The following LZTS1 variants were observed in gnomAD, a reference collection of about 807,000 sequenced individuals.
LZTS1 encodes the protein leucine zipper tumor suppressor 1.
A neutral mutation model predicts 45.8 loss-of-function variants in LZTS1; 31 were observed. That is an observed-to-expected ratio of 0.68 (90% CI 0.51 to 0.91). LZTS1 has a LOEUF of 0.91. LZTS1 is among the 40% of genes least tolerant of loss of function. LZTS1 has a pLI of 0.00. For missense variants in LZTS1, 821 were observed against 788.9 expected (o/e 1.04, Z -0.49); for synonymous variants, 359 against 357.3 (o/e 1.00, Z -0.05).
chr8:20,294,406 C>T (rs1049089543), intron 1 of LZTS1, among the ~76,000 whole-genome samples: 1 of 152,190 alleles, frequency 6.6e-6, no homozygotes, highest in Admixed American at 6.5e-5. Flanking sequence ...GGGCCAGCTG[C>T]GGGCCTGGCA....
At chr8:20,301,500 A>G (rs1407024337) in intron 1 of LZTS1, among the ~76,000 whole-genome samples, 2 of 152,128 alleles carry the variant, frequency 1.3e-5, no homozygotes, top group Non-Finnish European at 1.5e-5. Flanking sequence ...TCATTACATT[A>G]TTCATCTTCC....
intron 1 of LZTS1, among the ~76,000 whole-genome samples, chr8:20,258,589 T>C (rs7828160): frequency 0.051 from 7,796 of 152,262 alleles, 400 homozygotes; most frequent in African/African-American, 0.13. Context: ...AAGCTTTTAT[T>C]GAATTGATGG....
In LZTS1 at chr8:20,267,810, C is replaced by T. The variant is rs367734467; in HGVS notation, c.-134-12495G>A. ...GATTACAGGTGTGAGCCACTGCGCC[C>T]GGCCCAGACCTCACACTTGGCACAC... On this transcript the variant is annotated intron_variant, in intron 1 of 3. Transcript: ENST00000381569. Among the ~76,000 whole-genome samples the T allele has an allele frequency of 6.6e-5, 10 of 152,214 alleles. No homozygotes were observed. In the East Asian group the frequency reaches 9.7e-4, roughly 15 times the overall value.
intron 1 of LZTS1, among the ~76,000 whole-genome samples, chr8:20,288,990 T>TTTG (rs1399889172): frequency 6.7e-6 from 1 of 149,722 alleles, no homozygotes; most frequent in African/African-American, 2.5e-5. Flanking sequence ...GCAGCTGGTT[T>TTTG]TTTTTTTTTT....
intron 2 of LZTS1, among the ~76,000 whole-genome samples, chr8:20,254,349 C>A (rs1422596350): frequency 1.3e-5 from 2 of 152,148 alleles, no homozygotes; most frequent in Admixed American, 1.3e-4. Flanking sequence ...CAAAGATGCC[C>A]CCAGGCGCAG....
rs924088387 is a variant in LZTS1 at position 20,274,247 on chromosome 8, C to T, written c.-134-18932G>A. 3.2e-4 allele frequency among the ~76,000 whole-genome samples: 49 copies of T among 152,326 alleles called. 1 individual carries two copies. The highest frequency in any genetic ancestry group is 1.5e-3 in the East Asian group (8 of 5,188). ...GTACCTTCTGGCCCAAGACTCAGTG[C>T]TTGTTTGTTGAATGAATGGATAAGC... is the stretch of plus-strand genomic sequence containing the variant. On this transcript the variant is annotated intron_variant, in intron 1 of 3. Coordinates refer to ENST00000381569, the MANE Select transcript of LZTS1 (RefSeq NM_021020.5).
In LZTS1 at chr8:20,253,405, G is replaced by A. The variant is rs747202756; in HGVS notation, c.526C>T (p.Arg176Trp). Reference sequence around the variant, plus strand: ...GTGGGCAGGCTGGACATGGAGTTCCGGCCGGAGTCTGACAGCGCCCCAGAG... The same window carrying A: ...GTGGGCAGGCTGGACATGGAGTTCCAGCCGGAGTCTGACAGCGCCCCAGAG... The part of the protein sequence containing the change: ...LCSGALSDSG[R>W]NSMSSLPTHS... The change falls in exon 3 of 4, where the codon CGG (arginine) becomes TGG (tryptophan). Residue 176 changes from arginine (R) to tryptophan (W), a missense_variant. Transcript: ENST00000381569. The A allele has an allele frequency of 1.3e-5, 21 of 1,611,944 alleles. No individual in the cohort carries two copies. The highest frequency in any genetic ancestry group is 1.2e-4 in the Admixed American group (7 of 59,926).
chr8:20,253,267 T>C lies in LZTS1; in HGVS notation c.664A>G (p.Ser222Gly). The C allele has an allele frequency of 6.2e-7, 1 of 1,614,148 alleles. No homozygotes were observed. Among genetic ancestry groups the C allele is most frequent in the Non-Finnish European group, 8.5e-7 (1 of 1,180,036 alleles). ...NITQGIVLQD[S>G]NMMSLKALSF... Reference sequence around the variant, plus strand: ...AGAGCCTTCAGGCTCATCATGTTGCTGTCCTGGAGGACGATGCCCTGGGTG... The same window carrying C: ...AGAGCCTTCAGGCTCATCATGTTGCCGTCCTGGAGGACGATGCCCTGGGTG... The change falls in exon 3 of 4, where the codon AGC becomes GGC. Residue 222 changes from serine (S) to glycine (G), a missense_variant. By Grantham distance (56) the Ser-to-Gly change is moderately conservative (BLOSUM62 0). Transcript: ENST00000381569.
chr8:20,278,763 C>T (rs1033942146), intron 1 of LZTS1, among the ~76,000 whole-genome samples: 1 of 152,192 alleles, frequency 6.6e-6, no homozygotes, highest in South Asian at 2.1e-4. Context: ...TTAGTTCTCT[C>T]CTAGCTCAAA....
In LZTS1 at chr8:20,252,410, T is replaced by C. The variant is rs569599144; in HGVS notation, c.1149+372A>G. The stretch of plus-strand genomic sequence containing the variant: ...TGCATTCTGTGCTCTCTTGGGCCCC[T>C]GGCCCCGCCTGAACTCAGGCACGGC... On this transcript the variant is annotated intron_variant, in intron 3 of 3. Transcript: ENST00000381569. 1.8e-3 allele frequency among the ~76,000 whole-genome samples: 269 copies of C among 152,300 alleles called. 2 individuals are homozygous for C. Among genetic ancestry groups the C allele is most frequent in the African/African-American group, 6.2e-3 (257 of 41,580 alleles).
At chr8:20,295,313 C>G (rs1303467500) in intron 1 of LZTS1, among the ~76,000 whole-genome samples, 2 of 152,246 alleles carry the variant, frequency 1.3e-5, no homozygotes, top group East Asian at 3.9e-4. Flanking sequence ...TTTCTGCTTT[C>G]CTGGCTGGTC....
intron 1 of LZTS1, among the ~76,000 whole-genome samples, chr8:20,281,279 C>T (rs1800686686): frequency 6.6e-6 from 1 of 151,818 alleles, no homozygotes; most frequent in African/African-American, 2.4e-5. Flanking sequence ...GGCTTAGTGG[C>T]CTGGACACGG....
intron 1 of LZTS1, among the ~76,000 whole-genome samples, chr8:20,284,860 A>G (rs1484720843): frequency 1.3e-5 from 2 of 152,130 alleles, no homozygotes; most frequent in Non-Finnish European, 2.9e-5. Context: ...CTGCTCCCAT[A>G]GCCTATCTCA....
intron 1 of LZTS1, among the ~76,000 whole-genome samples, chr8:20,295,172 T>G (rs919426660): frequency 6.6e-6 from 1 of 151,828 alleles, no homozygotes; most frequent in Non-Finnish European, 1.5e-5. Context: ...GAGAACCGAT[T>G]CTGCTTCCTA....
intron 1 of LZTS1, among the ~76,000 whole-genome samples, chr8:20,280,203 G>A (rs551863005): frequency 2.0e-5 from 3 of 152,114 alleles, no homozygotes; most frequent in Non-Finnish European, 2.9e-5. Context: ...TCGAAGAATC[G>A]GCCCTGATCT....
intron 1 of LZTS1, among the ~76,000 whole-genome samples, chr8:20,257,954 G>A (rs1800144886): frequency 1.4e-5 from 2 of 144,140 alleles, no homozygotes; most frequent in African/African-American, 5.2e-5. Context: ...GATTATAGGC[G>A]TGAGCCACCG....
At chr8:20,264,033 T>C (rs912496395) in intron 1 of LZTS1, among the ~76,000 whole-genome samples, 1 of 152,024 alleles carries the variant, frequency 6.6e-6, no homozygotes, top group African/African-American at 2.4e-5. Flanking sequence ...CCACCCCTAA[T>C]CTCTCTCCCC....
chr8:20,260,752 G>C (rs1017507575), intron 1 of LZTS1, among the ~76,000 whole-genome samples: 1 of 152,170 alleles, frequency 6.6e-6, no homozygotes, highest in African/African-American at 2.4e-5. Flanking sequence ...GTAGAAGATG[G>C]ACAATGCCAG....
At chr8:20,272,288 C>T (rs1800489056) in intron 1 of LZTS1, among the ~76,000 whole-genome samples, 2 of 152,148 alleles carry the variant, frequency 1.3e-5, no homozygotes. Flanking sequence ...CTCTGGGTCG[C>T]ATCTGACCTC....
Sources: allele counts gnomAD v4.1 joint callset (sites outside exome capture counted in the v4.1 genomes callset), GRCh38; gene constraint gnomAD v4.1.1; transcripts MANE v1.5; gene names NCBI Gene and HGNC (gene_info 2026-07-23, HGNC 2026-07-21).